The following FBXL17 variants were observed in gnomAD, a reference collection of about 807,000 sequenced individuals.
FBXL17 encodes F-box and leucine rich repeat protein 17, also known as F-box/LRR-repeat protein 17.
Under a neutral mutation model 66.2 loss-of-function variants are expected in FBXL17, and 22 were observed. The ratio of observed to expected loss-of-function variants is 0.33; its 90% CI spans 0.24 to 0.47. FBXL17 has a LOEUF of 0.47. Ranked by LOEUF, FBXL17 falls within the 20% of genes least tolerant of loss-of-function variation. The pLI, the probability that FBXL17 is intolerant of heterozygous loss-of-function variation, is 1.00. For missense variants in FBXL17, 878 were observed against 948.2 expected, an observed-to-expected ratio of 0.93 and a Z score of 0.97; for synonymous variants, 474 against 400.5, an observed-to-expected ratio of 1.18 and a Z score of -2.19.
intron 6 of FBXL17, among the ~76,000 whole-genome samples, chr5:108,023,886 G>C (rs917625676): frequency 6.6e-6 from 1 of 152,260 alleles, no homozygotes; most frequent in Admixed American, 6.5e-5. Flanking sequence ...GAAGTGAGAA[G>C]GAGAGTGACA....
At chr5:108,009,304 T>TAGATAGATAGATAGATAGATAGAGAG (rs1165543412) in intron 7 of FBXL17, among the ~76,000 whole-genome samples, 1 of 19,560 alleles carries the variant, frequency 5.1e-5, no homozygotes, top group Non-Finnish European at 1.2e-4. Flanking sequence ...TATATATACA[T>TAGATAGATAGATAGATAGATAGAGAG]ATATACATAC....
At chr5:107,906,008 T>C (rs1174160990) in intron 7 of FBXL17, among the ~76,000 whole-genome samples, 1 of 151,242 alleles carries the variant, frequency 6.6e-6, no homozygotes, top group Non-Finnish European at 1.5e-5. Flanking sequence ...TCTAATATTA[T>C]GCCCAAAGAA....
chr5:107,998,104 T>A (rs1281160093), intron 7 of FBXL17, among the ~76,000 whole-genome samples: 1 of 152,206 alleles, frequency 6.6e-6, no homozygotes, highest in African/African-American at 2.4e-5. Flanking sequence ...AAGTAAAGAA[T>A]GTAAAACATT....
intron 7 of FBXL17, among the ~76,000 whole-genome samples, chr5:107,973,710 T>C (rs1247900701): frequency 2.0e-5 from 3 of 152,122 alleles, no homozygotes; most frequent in African/African-American, 7.2e-5. Flanking sequence ...TTAATCAGTA[T>C]GCCTTTAATT....
At chr5:108,376,786 CTTTTTTTT>C (rs11286870) in intron 1 of FBXL17, among the ~76,000 whole-genome samples, 3 of 110,006 alleles carry the variant, frequency 2.7e-5, no homozygotes, top group African/African-American at 9.5e-5. Context: ...AGTGTATATT[CTTTTTTTT>C]TTTTTTTTTT....
intron 6 of FBXL17, among the ~76,000 whole-genome samples, chr5:108,033,000 C>G (rs1746703440): frequency 6.6e-6 from 1 of 152,126 alleles, no homozygotes; most frequent in Non-Finnish European, 1.5e-5. Flanking sequence ...GCTACCATAT[C>G]TTCAGCCTGA....
intron 5 of FBXL17, among the ~76,000 whole-genome samples, chr5:108,220,256 G>A (rs1754801318): frequency 1.3e-5 from 2 of 151,978 alleles, no homozygotes; most frequent in Non-Finnish European, 2.9e-5. Context: ...CCAGTATTCA[G>A]TCCTCTGAAA....
chr5:108,002,221 C>T (rs1753759792), intron 7 of FBXL17, among the ~76,000 whole-genome samples: 1 of 133,248 alleles, frequency 7.5e-6, no homozygotes, highest in Non-Finnish European at 1.5e-5. Flanking sequence ...GACGGGGTTT[C>T]ACCTGTTGGT....
chr5:107,906,484 C>T (rs1448258354), intron 7 of FBXL17, among the ~76,000 whole-genome samples: 2 of 152,016 alleles, frequency 1.3e-5, no homozygotes, highest in Non-Finnish European at 2.9e-5. Context: ...CCAACTAATC[C>T]TCAGCCCATT....
In FBXL17 at chr5:107,878,266, A is replaced by T. The variant is rs57333459; in HGVS notation, c.1965+2771T>A. 1.5e-5 allele frequency: 14 copies of T among 953,650 alleles called. No homozygotes were observed. In the African/African-American group the frequency reaches 2.3e-4, roughly 16 times the overall value. The allele number at this position is 953,650 out of a possible 1,614,324, so 59.1% of individuals were successfully genotyped here. A position where few individuals can be genotyped will look rare whatever the true frequency, so the allele number is the denominator to read the frequency against. On this transcript the variant is annotated intron_variant, in intron 8 of 8. Coordinates refer to ENST00000542267, the MANE Select transcript of FBXL17 (RefSeq NM_001163315.3). Reference sequence around the variant, plus strand: ...TTCCTTTCTTTTTAATTGTCTTTCAAAATGGGATAGTAGGCAATATAATTT... The same window carrying T: ...TTCCTTTCTTTTTAATTGTCTTTCATAATGGGATAGTAGGCAATATAATTT...
intron 7 of FBXL17, among the ~76,000 whole-genome samples, chr5:107,946,623 GA>G (rs1273887060): frequency 6.6e-6 from 1 of 151,808 alleles, no homozygotes; most frequent in East Asian, 1.9e-4. Context: ...ATTTAATCTT[GA>G]ATCACAATCT....
At chr5:108,378,113 G>T (rs1307797759) in intron 1 of FBXL17, among the ~76,000 whole-genome samples, 1 of 151,888 alleles carries the variant, frequency 6.6e-6, no homozygotes, top group Admixed American at 6.6e-5. Context: ...ATTTTTGACT[G>T]CTTTAAAGCA....
intron 7 of FBXL17, among the ~76,000 whole-genome samples, chr5:107,932,192 T>C (rs566008074): frequency 1.4e-4 from 22 of 152,306 alleles, no homozygotes; most frequent in African/African-American, 5.3e-4. Context: ...TTACCTGGCA[T>C]TGCACAGGCA....
At chr5:108,158,270 CCAA>C (rs1752071759) in intron 6 of FBXL17, among the ~76,000 whole-genome samples, 2 of 151,960 alleles carry the variant, frequency 1.3e-5, no homozygotes, top group African/African-American at 4.8e-5. Flanking sequence ...TTCTCATTTA[CCAA>C]CAACGAATTA....
chr5:108,348,291 T>C, intron 4 of FBXL17, 108 bp downstream of exon 4: 4 of 989,366 alleles, frequency 4.0e-6, no homozygotes, highest in Non-Finnish European at 5.8e-6. Context: ...GATTAAGTAG[T>C]ATTTGAACCA....
At chr5:107,896,124 G>C (rs533036325) in intron 7 of FBXL17, among the ~76,000 whole-genome samples, 9 of 152,236 alleles carry the variant, frequency 5.9e-5, no homozygotes, top group African/African-American at 2.2e-4. Context: ...CTGTAAAAAA[G>C]AATTGCTGGA....
intron 6 of FBXL17, 84 bp downstream of exon 6, chr5:108,186,033 T>C (rs1201441285): frequency 2.7e-6 from 3 of 1,098,336 alleles, no homozygotes; most frequent in Non-Finnish European, 4.0e-6. Context: ...TCAATTTTAG[T>C]TATAGACATG....
At chr5:108,105,970 T>A (rs113873864) in intron 6 of FBXL17, among the ~76,000 whole-genome samples, 272 of 152,266 alleles carry the variant, frequency 1.8e-3, no homozygotes, top group South Asian at 4.8e-3. Flanking sequence ...ACATATTGCT[T>A]TACTGGATCA....
chr5:108,047,153 C>A (rs559760676), intron 6 of FBXL17, among the ~76,000 whole-genome samples: 1 of 152,182 alleles, frequency 6.6e-6, no homozygotes, highest in Non-Finnish European at 1.5e-5. Context: ...AGCCAGCTGG[C>A]GTGATCTATG....
Sources: gnomAD v4.1 joint callset for allele counts (sites outside exome capture counted in the v4.1 genomes callset) on GRCh38, gnomAD v4.1.1 for gene constraint, MANE v1.5 for transcripts, NCBI Gene and HGNC (gene_info 2026-07-23, HGNC 2026-07-21) for gene names.